RMDN2: variants seen among roughly 807,000 people sequenced by gnomAD.
The protein encoded by RMDN2 is regulator of microtubule dynamics 2, also known as regulator of microtubule dynamics protein 2.
Under a neutral mutation model 52.8 loss-of-function variants are expected in RMDN2, and 61 were observed. The ratio of observed to expected loss-of-function variants is 1.16; its 90% CI spans 0.94 to 1.43. The LOEUF is 1.43. Ranked by LOEUF, RMDN2 falls within the 40% of genes most tolerant of loss-of-function variation. The pLI is 0.00. For missense variants in RMDN2, 592 were observed against 475.3 expected, an observed-to-expected ratio of 1.25 and a Z score of -2.28; for synonymous variants, 180 against 153.1, an observed-to-expected ratio of 1.18 and a Z score of -1.30.
intron 10 of RMDN2, among the ~76,000 whole-genome samples, chr2:38,063,158 G>A (rs1682126498): frequency 6.6e-6 from 1 of 152,156 alleles, no homozygotes; most frequent in South Asian, 2.1e-4. Context: ...GGGTCAAATG[G>A]TATTTCTAGT....
intron 10 of RMDN2, chr2:38,030,909 T>C (rs1391667707): frequency 1.3e-5 from 2 of 152,236 alleles, no homozygotes; most frequent in East Asian, 1.9e-4. Flanking sequence ...GAATTCTTGA[T>C]TGTTTCCTTT....
At chr2:37,972,217 C>A (rs1005834114) in intron 2 of RMDN2, among the ~76,000 whole-genome samples, 4 of 152,064 alleles carry the variant, frequency 2.6e-5, no homozygotes, top group African/African-American at 7.2e-5. Context: ...ATTTGCTATA[C>A]TCTCCTATTA....
At chr2:38,013,879 G>T (rs907170532) in intron 10 of RMDN2, among the ~76,000 whole-genome samples, 2 of 152,120 alleles carry the variant, frequency 1.3e-5, no homozygotes, top group Non-Finnish European at 2.9e-5. Flanking sequence ...TGTGCTATCC[G>T]TGCCTGGAGA....
At chr2:38,024,774 A>T (rs1473110222) in intron 10 of RMDN2, among the ~76,000 whole-genome samples, 1 of 152,138 alleles carries the variant, frequency 6.6e-6, no homozygotes, top group Non-Finnish European at 1.5e-5. Flanking sequence ...TTTGCCTCCA[A>T]ATCTGCTGAA....
chr2:38,005,753 T>G (rs1268948391), intron 10 of RMDN2, among the ~76,000 whole-genome samples: 1 of 152,192 alleles, frequency 6.6e-6, no homozygotes, highest in Non-Finnish European at 1.5e-5. Context: ...TTGCTTTTGG[T>G]GTTTTACACA....
chr2:37,994,152 ACAGT>A (rs751499139), intron 7 of RMDN2, among the ~76,000 whole-genome samples: 4 of 152,244 alleles, frequency 2.6e-5, no homozygotes, highest in Non-Finnish European at 5.9e-5. Flanking sequence ...AACAGTAATG[ACAGT>A]CAGCAGAAAA....
At chr2:38,006,330 C>T (rs1677081279) in intron 10 of RMDN2, among the ~76,000 whole-genome samples, 1 of 152,170 alleles carries the variant, frequency 6.6e-6, no homozygotes, top group East Asian at 1.9e-4. Flanking sequence ...TCTTCCTACC[C>T]ATGAGCATGG....
chr2:37,965,313 C>G (rs1211809663), intron 2 of RMDN2, among the ~76,000 whole-genome samples: 3 of 148,810 alleles, frequency 2.0e-5, no homozygotes, highest in African/African-American at 7.4e-5. Context: ...CTCATTTTCT[C>G]CATTGCTACC....
chr2:37,998,922 C>G (rs1052420724), intron 8 of RMDN2, among the ~76,000 whole-genome samples: 5 of 152,126 alleles, frequency 3.3e-5, no homozygotes, highest in African/African-American at 1.2e-4. Context: ...TCACCCTTTT[C>G]CTACCACTGA....
intron 10 of RMDN2, among the ~76,000 whole-genome samples, chr2:38,043,713 A>G (rs1681102321): frequency 6.6e-6 from 1 of 152,092 alleles, no homozygotes; most frequent in African/African-American, 2.4e-5. Flanking sequence ...CAAGTAGTCT[A>G]AGTTAACTTT....
At chr2:37,945,008 G>T (rs891855510) in intron 2 of RMDN2, among the ~76,000 whole-genome samples, 2 of 152,166 alleles carry the variant, frequency 1.3e-5, no homozygotes, top group South Asian at 2.1e-4. Flanking sequence ...TACACCTTAG[G>T]TATTGGGATA....
chr2:38,011,211 T>C (rs1021665583), intron 10 of RMDN2, among the ~76,000 whole-genome samples: 1 of 152,234 alleles, frequency 6.6e-6, no homozygotes, highest in Non-Finnish European at 1.5e-5. Context: ...GAAAAATATG[T>C]AATAACATGT....
intron 2 of RMDN2, among the ~76,000 whole-genome samples, chr2:37,960,173 C>T (rs983381674): frequency 6.6e-6 from 1 of 152,132 alleles, no homozygotes; most frequent in African/African-American, 2.4e-5. Flanking sequence ...TGATCCAGAG[C>T]TGAATTCAAG....
chr2:38,030,137 T>C (rs1305073853), intron 10 of RMDN2: 2 of 152,178 alleles, frequency 1.3e-5, no homozygotes, highest in Admixed American at 6.5e-5. Context: ...CCAAGCAGTA[T>C]CAGACAATGA....
chr2:38,009,854 G>T (rs13391670), intron 10 of RMDN2, among the ~76,000 whole-genome samples: 86,849 of 151,816 alleles, frequency 0.57, 26,050 homozygotes, highest in East Asian at 0.89. Context: ...TTCTACCTTT[G>T]GTCTTTGATG....
At chr2:37,987,163 T>C (rs76184296) in intron 5 of RMDN2, among the ~76,000 whole-genome samples, 8,802 of 152,212 alleles carry the variant, frequency 0.058, 331 homozygotes, top group East Asian at 0.1. Context: ...CAGTTTCCTC[T>C]ATACCAGCAA....
chr2:37,986,989 C>G (rs1405261152), intron 5 of RMDN2, among the ~76,000 whole-genome samples: 1 of 151,322 alleles, frequency 6.6e-6, no homozygotes, highest in Admixed American at 6.6e-5. Context: ...TGCCATATAA[C>G]AAGAAAAGAA....
At chr2:37,976,017 A>C (rs2125076875) in intron 4 of RMDN2, among the ~76,000 whole-genome samples, 1 of 152,360 alleles carries the variant, frequency 6.6e-6, no homozygotes, top group African/African-American at 2.4e-5. Flanking sequence ...CAGTTAAAGT[A>C]ACACATCTTA....
chr2:38,063,074 A>G (rs1167992571), intron 10 of RMDN2, among the ~76,000 whole-genome samples: 1 of 152,190 alleles, frequency 6.6e-6, no homozygotes, highest in African/African-American at 2.4e-5. Context: ...GCCACTATAA[A>G]CATACATGTG....
Sources: gnomAD v4.1 joint callset for allele counts (sites outside exome capture counted in the v4.1 genomes callset) on GRCh38, gnomAD v4.1.1 for gene constraint, MANE v1.5 for transcripts, NCBI Gene and HGNC (gene_info 2026-07-23, HGNC 2026-07-21) for gene names.